Variants in RNF13 observed in about 807,000 individuals in gnomAD.
The protein encoded by RNF13 is E3 ubiquitin-protein ligase RNF13.
Under a neutral mutation model 37.7 loss-of-function variants are expected in RNF13, and 19 were observed. The ratio of observed to expected loss-of-function variants is 0.50; its 90% CI spans 0.35 to 0.74. RNF13 has a LOEUF of 0.74. Among genes scored for constraint, RNF13 ranks in the 30% least tolerant of loss-of-function variants. RNF13 has a pLI of 0.01. For synonymous variants in RNF13, 144 were observed against 157.8 expected (o/e 0.91, Z 0.65); for missense variants, 375 against 453.0 (o/e 0.83, Z 1.56).
chr3:149,959,703 T>C (rs1458540803), intron 8 of RNF13, among the ~76,000 whole-genome samples: 1 of 152,234 alleles, frequency 6.6e-6, no homozygotes, highest in Non-Finnish European at 1.5e-5. Context: ...TTTCCATTTT[T>C]ATTTAAAAAA....
chr3:149,839,776 A>G (rs1192822677), intron 1 of RNF13, among the ~76,000 whole-genome samples: 3 of 152,178 alleles, frequency 2.0e-5, no homozygotes, highest in Non-Finnish European at 4.4e-5. Flanking sequence ...TTTAAAGGAT[A>G]TCTAATATCT....
At chr3:149,823,075 A>G (rs1003884103) in intron 1 of RNF13, among the ~76,000 whole-genome samples, 1 of 152,164 alleles carries the variant, frequency 6.6e-6, no homozygotes, top group African/African-American at 2.4e-5. Flanking sequence ...TTCATGACAC[A>G]GACTTTTAAT....
intron 4 of RNF13, among the ~76,000 whole-genome samples, chr3:149,888,744 T>A (rs1302346720): frequency 6.6e-6 from 1 of 152,212 alleles, no homozygotes; most frequent in Non-Finnish European, 1.5e-5. Flanking sequence ...CTCTTACATT[T>A]TTACCATTCT....
At chr3:149,921,911 C>T (rs960334163) in intron 8 of RNF13, among the ~76,000 whole-genome samples, 4 of 152,146 alleles carry the variant, frequency 2.6e-5, no homozygotes, top group Admixed American at 2.0e-4. Context: ...TTTACATACC[C>T]ACCAACAGTG....
chr3:149,864,214 G>A (rs1003901038), intron 3 of RNF13, among the ~76,000 whole-genome samples: 15 of 151,832 alleles, frequency 9.9e-5, no homozygotes, highest in Non-Finnish European at 1.9e-4. Context: ...TGTAATGAAT[G>A]AATTCTCACT....
intron 1 of RNF13, among the ~76,000 whole-genome samples, chr3:149,823,816 A>G (rs999308933): frequency 2.0e-5 from 3 of 152,240 alleles, no homozygotes; most frequent in Non-Finnish European, 4.4e-5. Context: ...TATTAAAATA[A>G]AATAACATGT....
At chr3:149,917,101 C>G (rs572374619) in intron 7 of RNF13, among the ~76,000 whole-genome samples, 68 of 152,222 alleles carry the variant, frequency 4.5e-4, no homozygotes, top group African/African-American at 1.6e-3. Flanking sequence ...GTTCTCTGCC[C>G]ATTTACTCTT....
At chr3:149,960,162 A>G (rs1722245659) in intron 9 of RNF13, 26 bp downstream of exon 9, 1 of 1,385,710 alleles carries the variant, frequency 7.2e-7, no homozygotes, top group Admixed American at 1.7e-5. Context: ...TACTGCTTTG[A>G]ATTTACATAT....
At chr3:149,952,196 G>A (rs1340545466) in intron 8 of RNF13, among the ~76,000 whole-genome samples, 1 of 151,918 alleles carries the variant, frequency 6.6e-6, no homozygotes, top group Non-Finnish European at 1.5e-5. Context: ...TTAAAACCTG[G>A]CATGCCCTTT....
At chr3:149,864,329 C>T (rs1329320134) in intron 3 of RNF13, among the ~76,000 whole-genome samples, 1 of 152,072 alleles carries the variant, frequency 6.6e-6, no homozygotes, top group African/African-American at 2.4e-5. Flanking sequence ...TTCCACTATG[C>T]ATGAGTGGAA....
intron 8 of RNF13, among the ~76,000 whole-genome samples, chr3:149,925,650 A>G (rs1369932256): frequency 6.6e-6 from 1 of 152,128 alleles, no homozygotes; most frequent in Non-Finnish European, 1.5e-5. Context: ...TAGGGCTATT[A>G]TAAATCATAC....
chr3:149,931,566 T>C (rs1173015190), intron 8 of RNF13, among the ~76,000 whole-genome samples: 1 of 152,188 alleles, frequency 6.6e-6, no homozygotes, highest in African/African-American at 2.4e-5. Flanking sequence ...AATTTTTTAT[T>C]GATATATAAT....
chr3:149,847,008 G>A (rs1285522591), intron 2 of RNF13, among the ~76,000 whole-genome samples: 2 of 152,104 alleles, frequency 1.3e-5, no homozygotes, highest in Admixed American at 6.6e-5. Context: ...TCCACACTGG[G>A]GAGTATACAG....
intron 4 of RNF13, among the ~76,000 whole-genome samples, chr3:149,892,376 A>G (rs747838454): frequency 1.6e-4 from 24 of 152,198 alleles, no homozygotes; most frequent in Non-Finnish European, 2.5e-4. Flanking sequence ...ATGTATATAG[A>G]TGATTCTTAA....
chr3:149,925,556 G>A (rs1470022572), intron 8 of RNF13, among the ~76,000 whole-genome samples: 1 of 151,816 alleles, frequency 6.6e-6, no homozygotes, highest in African/African-American at 2.4e-5. Context: ...TTGCATTTAG[G>A]TATAGTTCAT....
chr3:149,923,531 C>G (rs1470208418), intron 8 of RNF13, among the ~76,000 whole-genome samples: 2 of 152,106 alleles, frequency 1.3e-5, no homozygotes, highest in African/African-American at 4.8e-5. Flanking sequence ...CTTAGGGAGG[C>G]CAAGGCAGAC....
At chr3:149,919,891 TC>T (rs900754135) in intron 7 of RNF13, among the ~76,000 whole-genome samples, 17 of 152,216 alleles carry the variant, frequency 1.1e-4, no homozygotes, top group Non-Finnish European at 2.2e-4. Context: ...TCCCTCCACT[TC>T]CGTGCCAACG....
Position 149,960,805 on chromosome 3 carries a change from C to G in RNF13, c.847C>G (p.Gln283Glu), listed in dbSNP as rs1722330632. ...CAAAAAAACCTGTCCAGTGTGCAAG[C>G]AAAAAGTTGTTCCTTCTCAAGGCGA... The part of the protein sequence containing the change: ...KTKKTCPVCK[Q>E]KVVPSQGDSD... Residue 283 changes from glutamine to glutamate, a missense_variant, in exon 10 of 10, where the codon CAA becomes GAA. Coordinates refer to ENST00000392894, the MANE Select transcript of RNF13 (RefSeq NM_183381.3). 1 of 1,613,996 alleles carries G rather than the reference C, an allele frequency of 6.2e-7. No homozygotes were observed. Among genetic ancestry groups the G allele is most frequent in the Non-Finnish European group, 8.5e-7 (1 of 1,180,032 alleles).
At chr3:149,887,857 T>C (rs1272293505) in intron 4 of RNF13, among the ~76,000 whole-genome samples, 1 of 152,160 alleles carries the variant, frequency 6.6e-6, no homozygotes, top group Admixed American at 6.5e-5. Context: ...TACCAGCAAA[T>C]AGAATGTTAA....
Sources: gnomAD v4.1 joint callset for allele counts (sites outside exome capture counted in the v4.1 genomes callset) on GRCh38, gnomAD v4.1.1 for gene constraint, MANE v1.5 for transcripts, NCBI Gene and HGNC (gene_info 2026-07-23, HGNC 2026-07-21) for gene names.